Variants in PCGF5 observed in about 807,000 individuals in gnomAD.
PCGF5 encodes the protein polycomb group RING finger protein 5.
A neutral mutation model predicts 44.3 loss-of-function variants in PCGF5; 9 were observed. The ratio of observed to expected loss-of-function variants is 0.20; its 90% confidence interval spans 0.12 to 0.35. The LOEUF is 0.35. Among genes scored for constraint, PCGF5 ranks in the 10% least tolerant of loss-of-function variants. The probability of loss-of-function intolerance (pLI) is 1.00; values close to 1 mark genes in which losing one functional copy is unlikely to be tolerated. For synonymous variants in PCGF5, 95 were observed against 102.5 expected (o/e 0.93, Z 0.44); for missense variants, 146 against 305.3 (o/e 0.48, Z 3.89).
chr10:91,213,440 ATTAAC>A (rs1328695163), intron 1 of PCGF5, among the ~76,000 whole-genome samples: 1 of 151,584 alleles, frequency 6.6e-6, no homozygotes, highest in East Asian at 1.9e-4. Flanking sequence ...TACTTTGTTC[ATTAAC>A]TTCATTATTT....
At chr10:91,162,166 T>A (rs965655200), upstream of PCGF5, among the ~76,000 whole-genome samples, 13 of 151,076 alleles carry the variant, frequency 8.6e-5, no homozygotes, top group African/African-American at 3.2e-4. Flanking sequence ...GGGGTGAGGG[T>A]AGGGAAGTGG....
intron 1 of PCGF5, among the ~76,000 whole-genome samples, chr10:91,182,493 C>T (rs1226182637): frequency 6.6e-6 from 1 of 151,920 alleles, no homozygotes; most frequent in South Asian, 2.1e-4. Flanking sequence ...TTTTCAAAAG[C>T]AAGCTCCTGG....
intron 1 of PCGF5, among the ~76,000 whole-genome samples, chr10:91,183,349 C>A (rs930323503): frequency 2.0e-5 from 3 of 151,030 alleles, no homozygotes; most frequent in African/African-American, 7.3e-5. Context: ...ATGTAATGCC[C>A]TTTGTCTTTT....
chr10:91,185,665 C>T (rs1332387168), intron 1 of PCGF5, among the ~76,000 whole-genome samples: 1 of 152,200 alleles, frequency 6.6e-6, no homozygotes, highest in Non-Finnish European at 1.5e-5. Context: ...AGTGGCTGCT[C>T]TGCCAAGACT....
chr10:91,212,545 T>C (rs1165695112), intron 1 of PCGF5, among the ~76,000 whole-genome samples: 1 of 152,228 alleles, frequency 6.6e-6, no homozygotes, highest in Non-Finnish European at 1.5e-5. Context: ...ATATTTTATA[T>C]TGTATACTCA....
At chr10:91,270,402 A>G (rs1244697862) in intron 8 of PCGF5, among the ~76,000 whole-genome samples, 1 of 151,496 alleles carries the variant, frequency 6.6e-6, no homozygotes, top group Non-Finnish European at 1.5e-5. Flanking sequence ...AGAATCACTT[A>G]GTGAAATTGC....
At chr10:91,186,855 C>A (rs1482029481) in intron 1 of PCGF5, among the ~76,000 whole-genome samples, 1 of 152,160 alleles carries the variant, frequency 6.6e-6, no homozygotes, top group Non-Finnish European at 1.5e-5. Flanking sequence ...ATTTATACTG[C>A]TGGATCAGTG....
chr10:91,254,528 T>C (rs1173965322), intron 6 of PCGF5, among the ~76,000 whole-genome samples: 1 of 152,050 alleles, frequency 6.6e-6, no homozygotes, highest in African/African-American at 2.4e-5. Context: ...ACTATCTTTT[T>C]TTTATATGTG....
At chr10:91,268,815 C>T (rs1411425948) in intron 8 of PCGF5, among the ~76,000 whole-genome samples, 2 of 152,038 alleles carry the variant, frequency 1.3e-5, no homozygotes, top group Non-Finnish European at 2.9e-5. Context: ...TTCTATGGTC[C>T]CTGCCCTCTC....
At chr10:91,236,107 AATATG>A (rs1294322617) in intron 2 of PCGF5, among the ~76,000 whole-genome samples, 1 of 152,134 alleles carries the variant, frequency 6.6e-6, no homozygotes, top group Non-Finnish European at 1.5e-5. Flanking sequence ...AAATTAAAAA[AATATG>A]ATATGAATTT....
chr10:91,251,564 A>G, intron 6 of PCGF5, 124 bp downstream of exon 6: 1 of 942,962 alleles, frequency 1.1e-6, no homozygotes, highest in Non-Finnish European at 1.6e-6. Context: ...ATAATTAAAT[A>G]AAATGCCATT....
chr10:91,211,401 T>C (rs1450077104), intron 1 of PCGF5, among the ~76,000 whole-genome samples: 3 of 152,230 alleles, frequency 2.0e-5, no homozygotes, highest in Non-Finnish European at 4.4e-5. Flanking sequence ...TTACTCTTAC[T>C]GTATTGCTAT....
chr10:91,267,974 C>A (rs778010936), intron 8 of PCGF5, among the ~76,000 whole-genome samples: 5 of 152,164 alleles, frequency 3.3e-5, no homozygotes, highest in Admixed American at 6.6e-5. Context: ...TACAAAAACA[C>A]AAGGTTAAGA....
intron 1 of PCGF5, among the ~76,000 whole-genome samples, chr10:91,187,737 G>A (rs1420734128): frequency 1.3e-5 from 2 of 152,042 alleles, no homozygotes; most frequent in East Asian, 3.9e-4. Context: ...TACTATCTGT[G>A]TGTATATGTT....
intron 7 of PCGF5, among the ~76,000 whole-genome samples, chr10:91,264,129 A>C (rs1317454993): frequency 6.6e-6 from 1 of 152,162 alleles, no homozygotes; most frequent in Non-Finnish European, 1.5e-5. Context: ...CCTCTAAGAG[A>C]CATGACAGAG....
chr10:91,274,509 G>A (rs1227151038), intron 9 of PCGF5, among the ~76,000 whole-genome samples: 1 of 152,212 alleles, frequency 6.6e-6, no homozygotes, highest in Non-Finnish European at 1.5e-5. Flanking sequence ...TGAGTATTAT[G>A]CATTGGGCAG....
chr10:91,234,216 CAG>C (rs1192506656), intron 2 of PCGF5, among the ~76,000 whole-genome samples: 1 of 152,154 alleles, frequency 6.6e-6, no homozygotes. Flanking sequence ...AATAGTGCAT[CAG>C]AGAGGGTATA....
At chr10:91,211,417 T>C (rs1425708928) in intron 1 of PCGF5, among the ~76,000 whole-genome samples, 1 of 152,194 alleles carries the variant, frequency 6.6e-6, no homozygotes, top group Non-Finnish European at 1.5e-5. Context: ...GCTATAGAGG[T>C]TATTGTAAAT....
intron 1 of PCGF5, among the ~76,000 whole-genome samples, chr10:91,212,242 C>G (rs1844466723): frequency 6.6e-6 from 1 of 152,134 alleles, no homozygotes. Context: ...TGCTTTTTGC[C>G]TTCATGCAGT....
Sources: allele counts gnomAD v4.1 joint callset (sites outside exome capture counted in the v4.1 genomes callset), GRCh38; gene constraint gnomAD v4.1.1; transcripts MANE v1.5; gene names NCBI Gene and HGNC (gene_info 2026-07-23, HGNC 2026-07-21).